The following SOS1 variants were observed in gnomAD, a reference collection of about 807,000 sequenced individuals.
SOS1 encodes the protein SOS Ras/Rac guanine nucleotide exchange factor 1.
In SOS1, 25 loss-of-function variants were observed where a neutral mutation model predicts 157.6. The observed-to-expected ratio is 0.16, with a 90% CI of 0.12 to 0.22. SOS1 has a LOEUF of 0.22. Among genes scored for constraint, SOS1 ranks in the 10% least tolerant of loss-of-function variants. SOS1 has a pLI of 1.00. For missense variants in SOS1, 1,237 were observed against 1,599.1 expected (o/e 0.77, Z 3.86); for synonymous variants, 528 against 534.0 (o/e 0.99, Z 0.16).
chr2:39,078,818 T>C (rs1672105908), intron 1 of SOS1, among the ~76,000 whole-genome samples: 1 of 152,120 alleles, frequency 6.6e-6, no homozygotes. Context: ...TCCCAGCACT[T>C]TGGGAGGCTA....
At chr2:38,995,087 C>G in intron 20 of SOS1, 36 bp downstream of exon 20, 2 of 1,593,202 alleles carry the variant, frequency 1.3e-6, no homozygotes, top group Non-Finnish European at 1.7e-6. Flanking sequence ...ATAGTACTAA[C>G]AAATACCTTA....
chr2:39,091,589 CG>C (rs1327173214), intron 1 of SOS1, among the ~76,000 whole-genome samples: 1 of 138,390 alleles, frequency 7.2e-6, no homozygotes, highest in Non-Finnish European at 1.5e-5. Context: ...TAAAAGAACT[CG>C]AAAAAAAAAA....
At chr2:39,111,043 G>A (rs1348730518) in intron 1 of SOS1, among the ~76,000 whole-genome samples, 1 of 152,188 alleles carries the variant, frequency 6.6e-6, no homozygotes, top group East Asian at 1.9e-4. Flanking sequence ...GACCAGCCTG[G>A]CCAACATGGC....
chr2:39,075,611 C>A (rs897844034), intron 1 of SOS1, among the ~76,000 whole-genome samples: 15 of 26,146 alleles, frequency 5.7e-4, no homozygotes, highest in African/African-American at 8.7e-4. Flanking sequence ...CGAGACCAGC[C>A]TGGAGAAAAC....
At chr2:39,119,012 TTTTTAAACAATTTCCGTGTCTCC>T in intron 1 of SOS1, among the ~76,000 whole-genome samples, 11 of 152,208 alleles carry the variant, frequency 7.2e-5, no homozygotes, top group African/African-American at 2.7e-4. Context: ...CCTTTACACG[TTTTTAAACAATTTCCGTGTCTCC>T]CCTTACTCTA....
intron 8 of SOS1, among the ~76,000 whole-genome samples, chr2:39,026,440 A>G (rs1248305105): frequency 6.6e-6 from 1 of 152,186 alleles, no homozygotes; most frequent in Non-Finnish European, 1.5e-5. Context: ...TCCAAAGGAT[A>G]AGAGACTTTA....
At chr2:39,021,392 A>T (rs1344020707) in intron 10 of SOS1, among the ~76,000 whole-genome samples, 1 of 151,606 alleles carries the variant, frequency 6.6e-6, no homozygotes, top group African/African-American at 2.4e-5. Context: ...CAATTTAGAG[A>T]AAACTTCTAT....
intron 15 of SOS1, 85 bp from the exon 16 acceptor site, chr2:39,007,278 G>A (rs1572816531): frequency 2.2e-6 from 2 of 889,156 alleles, no homozygotes; most frequent in East Asian, 2.4e-5. Context: ...ATAAAATAAT[G>A]TAGAGAGTAG....
At chr2:39,091,041 G>C (rs1341823014) in intron 1 of SOS1, among the ~76,000 whole-genome samples, 2 of 152,074 alleles carry the variant, frequency 1.3e-5, no homozygotes, top group Non-Finnish European at 2.9e-5. Flanking sequence ...GCTAATTTTT[G>C]TATTTTTAGT....
In SOS1 at chr2:38,985,968, G is replaced by T. The variant is rs530210974; in HGVS notation, c.3858C>A (p.Ser1286=). 1 of 1,613,978 alleles carries T rather than the reference G, an allele frequency of 6.2e-7. No individual in the cohort carries two copies. The highest frequency in any genetic ancestry group is 1.3e-5 in the African/African-American group (1 of 75,020). The change falls in exon 23 of 23, where the codon TCC becomes TCA. Residue 1286 remains serine (S), a synonymous_variant. Coordinates refer to ENST00000402219, the MANE Select transcript of SOS1 (RefSeq NM_005633.4). ...PPLTQEVDLH[S]IAGPPVPPRQ... is the part of the protein sequence containing the mutation. Reference sequence around the variant, plus strand: ...GTGGAGGAACAGGCGGCCCAGCAATGGAATGAAGGTCCACTTCTTGTGTCA... The same window carrying T: ...GTGGAGGAACAGGCGGCCCAGCAATTGAATGAAGGTCCACTTCTTGTGTCA...
At chr2:39,103,392 C>G (rs1673046743) in intron 1 of SOS1, among the ~76,000 whole-genome samples, 1 of 152,110 alleles carries the variant, frequency 6.6e-6, no homozygotes, top group Non-Finnish European at 1.5e-5. Context: ...CACTTTCTGA[C>G]TTCAGAACTT....
intron 1 of SOS1, among the ~76,000 whole-genome samples, chr2:39,105,725 T>C (rs931182034): frequency 2.6e-5 from 4 of 151,322 alleles, no homozygotes; most frequent in Admixed American, 2.6e-4. Flanking sequence ...TGCGAAACCC[T>C]GTCTCTACTA....
chr2:39,056,208 A>T (rs1328152553), intron 4 of SOS1, among the ~76,000 whole-genome samples: 4 of 152,158 alleles, frequency 2.6e-5, no homozygotes, highest in Non-Finnish European at 4.4e-5. Context: ...GGCGGTCAGG[A>T]GTTCGAGACC....
At chr2:39,118,557 AG>A (rs757207969) in intron 1 of SOS1, among the ~76,000 whole-genome samples, 5 of 152,222 alleles carry the variant, frequency 3.3e-5, no homozygotes, top group Non-Finnish European at 5.9e-5. Flanking sequence ...TAAAGTCAAA[AG>A]CTGTTTTATG....
Position 39,120,432 on chromosome 2 carries a change from G to A in SOS1, c.-10C>T. 1.3e-6 allele frequency: 2 copies of A among 1,579,956 alleles called. No homozygotes were observed. Among genetic ancestry groups the A allele is most frequent in the Non-Finnish European group, 1.7e-6 (2 of 1,165,526 alleles). ...GCTGCTGCGCCTGCATGGTGCCCCC[G>A]GGGCGCCTCTGGGCGGGGAGAGGGG... On this transcript the variant is annotated 5_prime_UTR_variant, in exon 1 of 23. Coordinates refer to ENST00000402219, the MANE Select transcript of SOS1 (RefSeq NM_005633.4).
intron 10 of SOS1, among the ~76,000 whole-genome samples, chr2:39,016,971 T>C (rs1417075428): frequency 1.3e-5 from 2 of 152,144 alleles, no homozygotes; most frequent in Non-Finnish European, 2.9e-5. Flanking sequence ...TTCAGTTCTT[T>C]AGTAATTGAT....
chr2:38,993,307 A>C (rs1668790282), intron 20 of SOS1: 1 of 152,104 alleles, frequency 6.6e-6, no homozygotes, highest in South Asian at 2.1e-4. Context: ...CTACAGGTGC[A>C]CACCTCTCCT....
At chr2:39,062,430 A>AT (rs1171360674) in intron 2 of SOS1, among the ~76,000 whole-genome samples, 26 of 127,538 alleles carry the variant, frequency 2.0e-4, no homozygotes, top group South Asian at 6.3e-4. Context: ...AATAAAAAAA[A>AT]AAATTAAAAA....
chr2:38,997,332 C>T lies in SOS1; in HGVS notation c.2885G>A (p.Arg962Lys), dbSNP rs1472263395. Residue 962 changes from arginine (R) to lysine (K), a missense_variant, in exon 18 of 23, where the codon AGG becomes AAG. Coordinates refer to ENST00000402219, the MANE Select transcript of SOS1 (RefSeq NM_005633.4). ...GKELINFSKR[R>K]KVAEITGEIQ... ...CTCTCCTGTTATTTCTGCTACTTTC[C>T]TCCTTTTGCTAAAGTTTATAAGCTC... The T allele has an allele frequency of 6.2e-7, 1 of 1,613,158 alleles. No individual in the cohort carries two copies. Among genetic ancestry groups the T allele is most frequent in the African/African-American group, 1.3e-5 (1 of 75,016 alleles).
Sources: allele counts gnomAD v4.1 joint callset (sites outside exome capture counted in the v4.1 genomes callset), GRCh38; gene constraint gnomAD v4.1.1; transcripts MANE v1.5; gene names NCBI Gene and HGNC (gene_info 2026-07-23, HGNC 2026-07-21).